Variants in RP1L1 observed in about 807,000 individuals in gnomAD.
RP1L1 encodes retinitis pigmentosa 1-like 1 protein.
In RP1L1, 27 loss-of-function variants were observed where a neutral mutation model predicts 15.7. The ratio of observed to expected loss-of-function variants is 1.72; its 90% CI spans 1.27 to 2.38. The LOEUF is 2.38. Ranked by LOEUF, RP1L1 falls within the 30% of genes most tolerant of loss-of-function variation. RP1L1 has a pLI of 0.00. For missense variants in RP1L1, 4,798 were observed against 3,075.9 expected, an observed-to-expected ratio of 1.56 and a Z score of -13.24; for synonymous variants, 1,813 against 1,276.7, an observed-to-expected ratio of 1.42 and a Z score of -8.96.
chr8:10,646,934 C>T (rs937314787), intron 1 of RP1L1, among the ~76,000 whole-genome samples: 4 of 152,248 alleles, frequency 2.6e-5, no homozygotes, highest in East Asian at 1.9e-4. Context: ...ACCTCCCCCC[C>T]TCAGTTGTCA....
chr8:10,613,304 C>T lies in RP1L1; in HGVS notation c.794G>A (p.Arg265Gln), dbSNP rs757729673. 100 of 1,602,532 alleles carry T rather than the reference C, an allele frequency of 6.2e-5. No individual in the cohort carries two copies. Among genetic ancestry groups the T allele is most frequent in the Non-Finnish European group, 7.7e-5 (91 of 1,179,966 alleles). Residue 265 changes from arginine to glutamine, a missense_variant, in exon 4 of 4, where the codon CGG becomes CAG. Physicochemically the swap from Arg to Gln is conservative, Grantham distance 43. Coordinates refer to ENST00000382483, the MANE Select transcript of RP1L1 (RefSeq NM_178857.6). ...PKTKPSVIHS[R>Q]SPPGSTPRLP... is the part of the protein sequence containing the mutation. ...CCGTGGCGTGCTGCCTGGCGGAGAC[C>T]GCGAATGGATCACACTCGGCTTGGT...
intron 1 of RP1L1, among the ~76,000 whole-genome samples, chr8:10,633,378 G>C (rs117855214): frequency 6.6e-6 from 1 of 152,214 alleles, no homozygotes; most frequent in Non-Finnish European, 1.5e-5. Flanking sequence ...CAGACCCTTA[G>C]TTCAAAGGAC....
chr8:10,633,985 C>T (rs922865208), intron 1 of RP1L1, among the ~76,000 whole-genome samples: 1 of 152,114 alleles, frequency 6.6e-6, no homozygotes, highest in African/African-American at 2.4e-5. Context: ...GAGAAGGGTG[C>T]CCGAGGGCCT....
intron 1 of RP1L1, among the ~76,000 whole-genome samples, chr8:10,625,028 G>T (rs1798134592): frequency 6.6e-6 from 1 of 152,176 alleles, no homozygotes. Context: ...GATGACAGGG[G>T]ACAATCACTG....
chr8:10,647,030 C>T (rs1161710682), intron 1 of RP1L1, among the ~76,000 whole-genome samples: 2 of 152,204 alleles, frequency 1.3e-5, no homozygotes, highest in Non-Finnish European at 2.9e-5. Context: ...CAGAGATCCA[C>T]GAGGGGCTAT....
In RP1L1 at chr8:10,608,793, C is replaced by T; in HGVS notation, c.5305G>A (p.Ala1769Thr). Residue 1769 changes from alanine (A) to threonine (T), a missense_variant, in exon 4 of 4, where the codon GCT becomes ACT. Ala to Thr is a moderately conservative substitution (Grantham distance 58, BLOSUM62 0). Coordinates refer to ENST00000382483, the MANE Select transcript of RP1L1 (RefSeq NM_178857.6). ...KLGEAEGDAM[A>T]QEREGKTHNS... is the part of the protein sequence containing the mutation. ...TGGGTTTTCCCTTCTCTCTCCTGAG[C>T]CATTGCATCTCCCTCTGCCTCCCCG... 1.2e-6 allele frequency: 2 copies of T among 1,614,218 alleles called. No individual in the cohort carries two copies. The highest frequency in any genetic ancestry group is 2.2e-5 in the East Asian group (1 of 44,880).
At chr8:10,626,102 G>T (rs1181405897) in intron 1 of RP1L1, among the ~76,000 whole-genome samples, 1 of 152,122 alleles carries the variant, frequency 6.6e-6, no homozygotes, top group Non-Finnish European at 1.5e-5. Context: ...CCCTGTGGAG[G>T]AAGGGGCAGG....
chr8:10,645,673 A>G (rs748491978), intron 1 of RP1L1, among the ~76,000 whole-genome samples: 18 of 152,170 alleles, frequency 1.2e-4, no homozygotes, highest in Admixed American at 6.5e-4. Context: ...GAAGGGAAGG[A>G]GTCGCGAGGC....
chr8:10,630,120 C>A (rs549338792), intron 1 of RP1L1, among the ~76,000 whole-genome samples: 1 of 152,222 alleles, frequency 6.6e-6, no homozygotes, highest in Admixed American at 6.5e-5. Context: ...TGGGCAAAGG[C>A]CCTCTGTCCC....
intron 1 of RP1L1, among the ~76,000 whole-genome samples, chr8:10,638,001 A>C (rs1289784034): frequency 6.6e-6 from 1 of 152,140 alleles, no homozygotes; most frequent in Non-Finnish European, 1.5e-5. Flanking sequence ...GATGGTGCCC[A>C]CCCCAGAAGC....
In RP1L1 at chr8:10,612,504, A is replaced by G; in HGVS notation, c.1594T>C (p.Ser532Pro). The G allele has an allele frequency of 2.5e-6, 4 of 1,612,110 alleles. No homozygotes were observed. The highest frequency in any genetic ancestry group is 2.5e-6 in the Non-Finnish European group (3 of 1,179,922). ...CCGGTGCTGGCTGACGAGTCCGAAGAAGCCCCCTCCTCACTCCGGGCCCTC... is the reference window on the plus strand; with the variant it reads ...CCGGTGCTGGCTGACGAGTCCGAAGGAGCCCCCTCCTCACTCCGGGCCCTC... Reference protein sequence around the residue: ...TPRARSEEGASSDSSASTGSH... With the variant: ...TPRARSEEGAPSDSSASTGSH... The change falls in exon 4 of 4, where the codon TCT becomes CCT. Residue 532 changes from serine (S) to proline (P), a missense_variant. Physicochemically the swap from Ser to Pro is moderately conservative, Grantham distance 74 (BLOSUM62 -1). Coordinates refer to ENST00000382483, the MANE Select transcript of RP1L1 (RefSeq NM_178857.6).
chr8:10,652,163 C>A (rs1798572387), intron 1 of RP1L1, among the ~76,000 whole-genome samples: 1 of 152,192 alleles, frequency 6.6e-6, no homozygotes, highest in Non-Finnish European at 1.5e-5. Context: ...TGTCTAACAA[C>A]ACACTTCTCA....
intron 1 of RP1L1, among the ~76,000 whole-genome samples, chr8:10,630,020 G>T (rs1053157027): frequency 6.6e-6 from 1 of 152,210 alleles, no homozygotes; most frequent in African/African-American, 2.4e-5. Flanking sequence ...ATGCCTTGCT[G>T]AGGCCCCATC....
chr8:10,617,159 C>A (rs140747316), intron 2 of RP1L1, among the ~76,000 whole-genome samples: 17 of 152,178 alleles, frequency 1.1e-4, no homozygotes, highest in Admixed American at 4.6e-4. Context: ...CTGACCCTCC[C>A]CAGACCCATC....
chr8:10,620,093 G>A (rs1798034891), intron 2 of RP1L1, among the ~76,000 whole-genome samples: 1 of 152,076 alleles, frequency 6.6e-6, no homozygotes, highest in Admixed American at 6.5e-5. Flanking sequence ...TAAGACACCT[G>A]TATCTTAGTC....
At chr8:10,654,689 G>T (rs561505804) in intron 1 of RP1L1, among the ~76,000 whole-genome samples, 10 of 152,348 alleles carry the variant, frequency 6.6e-5, no homozygotes, top group African/African-American at 2.4e-4. Context: ...CCACTGTGTC[G>T]TGTTTAAACA....
Position 10,607,464 on chromosome 8 carries a change from C to A in RP1L1, c.6634G>T (p.Val2212Leu). The A allele has an allele frequency of 6.2e-7, 1 of 1,611,202 alleles. No individual in the cohort carries two copies. Among genetic ancestry groups the A allele is most frequent in the South Asian group, 1.1e-5 (1 of 90,886 alleles). The change falls in exon 4 of 4, where the codon GTA becomes TTA. Residue 2212 changes from valine to leucine, a missense_variant. Val to Leu is a conservative substitution (Grantham distance 32). Coordinates refer to ENST00000382483, the MANE Select transcript of RP1L1 (RefSeq NM_178857.6). ...EGEAQPELEG[V>L]EAPEAEEEAQ... ...TCCTCTTCAGCCTCCGGGGCCTCTACACCTTCTAACTCTGGTTGGGCCTCC... is the reference window on the plus strand; with the variant it reads ...TCCTCTTCAGCCTCCGGGGCCTCTAAACCTTCTAACTCTGGTTGGGCCTCC...
chr8:10,644,735 C>T (rs1389632788), intron 1 of RP1L1, among the ~76,000 whole-genome samples: 3 of 152,210 alleles, frequency 2.0e-5, no homozygotes, highest in Non-Finnish European at 2.9e-5. Flanking sequence ...GCTCTCACAC[C>T]AGCCACCCCA....
At chr8:10,635,863 G>A (rs1798321174) in intron 1 of RP1L1, among the ~76,000 whole-genome samples, 1 of 152,246 alleles carries the variant, frequency 6.6e-6, no homozygotes, top group South Asian at 2.1e-4. Context: ...AAGGCCACCA[G>A]GTGGGATGCC....
Sources: allele counts gnomAD v4.1 joint callset (sites outside exome capture counted in the v4.1 genomes callset), GRCh38; gene constraint gnomAD v4.1.1; transcripts MANE v1.5; gene names NCBI Gene and HGNC (gene_info 2026-07-23, HGNC 2026-07-21).